PDE9A: variants seen among roughly 807,000 people sequenced by gnomAD.
The protein encoded by PDE9A is high affinity cGMP-specific 3',5'-cyclic phosphodiesterase 9A.
In PDE9A, 60 loss-of-function variants were observed where a neutral mutation model predicts 87.4. The ratio of observed to expected loss-of-function variants is 0.69; its 90% confidence interval spans 0.56 to 0.85. The LOEUF (loss-of-function observed/expected upper bound fraction) is 0.85, where lower values mean the gene tolerates loss of function less well. Among genes scored for constraint, PDE9A ranks in the 40% least tolerant of loss-of-function variants. The probability of loss-of-function intolerance (pLI) is 0.00; values close to 1 mark genes in which losing one functional copy is unlikely to be tolerated. For synonymous variants in PDE9A, 272 were observed against 279.4 expected (o/e 0.97, Z 0.27); for missense variants, 665 against 779.0 (o/e 0.85, Z 1.74).
chr21:42,768,611 G>A (rs1452619511), intron 16 of PDE9A: 1 of 985,356 alleles, frequency 1.0e-6, no homozygotes, highest in Non-Finnish European at 1.2e-6. Context: ...GAAGCAGGAG[G>A]GGGCCCAGGA....
chr21:42,771,963 C>T (rs549717756), intron 18 of PDE9A, among the ~76,000 whole-genome samples: 1 of 152,194 alleles, frequency 6.6e-6, no homozygotes, highest in South Asian at 2.1e-4. Context: ...TCCACAACCC[C>T]GCAAGAGAGC....
chr21:42,734,646 C>T (rs945132205), intron 7 of PDE9A: 3 of 152,228 alleles, frequency 2.0e-5, no homozygotes, highest in African/African-American at 7.2e-5. Context: ...AATCTTGGCT[C>T]AATGCAACCT....
At position 42,660,625 on chromosome 21, in the gene PDE9A, TAAA is replaced by T. The variant is rs11292693; in HGVS notation, c.69+6755_69+6757del. On this transcript the variant is annotated intron_variant, in intron 1 of 19. Coordinates refer to ENST00000291539, the MANE Select transcript of PDE9A (RefSeq NM_002606.3). The surrounding 1 kb of genome is among the most constrained non-coding windows in gnomAD (Gnocchi z 4.7). ...CCCCTTCCCCAAACACTATTGGAAT[TAAA>T]AAAAAAAAAAAAGATTAAAATGGTT... is the stretch of plus-strand genomic sequence containing the variant. 5.8e-5 allele frequency among the ~76,000 whole-genome samples: 8 copies of T among 139,056 alleles called. No individual in the cohort carries two copies. Among genetic ancestry groups the T allele is most frequent in the African/African-American group, 1.8e-4 (7 of 38,256 alleles). 91.2% of individuals were successfully genotyped at this position (139,056 alleles called of 152,430 possible).
intron 7 of PDE9A, among the ~76,000 whole-genome samples, chr21:42,735,190 T>G (rs960389829): frequency 7.9e-5 from 12 of 152,198 alleles, no homozygotes; most frequent in African/African-American, 2.9e-4. Flanking sequence ...TGCTGCCGTC[T>G]CTGAGCCCCA....
intron 6 of PDE9A, 55 bp downstream of exon 6, chr21:42,732,179 G>A: frequency 6.5e-7 from 1 of 1,537,806 alleles, no homozygotes; most frequent in Non-Finnish European, 8.9e-7. Flanking sequence ...CTTTCTCTAA[G>A]AGCGAGGGCA....
intron 16 of PDE9A, 81 bp from the exon 17 acceptor site, chr21:42,768,946 A>T (rs1910990156): frequency 6.6e-7 from 1 of 1,522,356 alleles, no homozygotes; most frequent in African/African-American, 1.4e-5. Context: ...TAACTGGCGC[A>T]TCTTGTCTTT....
intron 8 of PDE9A, 23 bp downstream of exon 8, chr21:42,743,883 G>C: frequency 6.9e-7 from 1 of 1,453,116 alleles, no homozygotes; most frequent in Non-Finnish European, 9.5e-7. Flanking sequence ...CTGGGGCCAC[G>C]GGCGGCCGGG....
chr21:42,775,081 A>G (rs1440569240), intron 19 of PDE9A, among the ~76,000 whole-genome samples, 199 bp from the exon 20 acceptor site: 1 of 151,598 alleles, frequency 6.6e-6, no homozygotes, highest in Non-Finnish European at 1.5e-5. Context: ...AGCTGGGATT[A>G]CAGGTGTGTG....
At chr21:42,662,986 A>AAC (rs1049944204) in intron 1 of PDE9A, among the ~76,000 whole-genome samples, 14 of 117,032 alleles carry the variant, frequency 1.2e-4, no homozygotes, top group Admixed American at 4.4e-4. Context: ...CACACACAAG[A>AAC]ACACACACCA....
chr21:42,772,403 G>A lies in PDE9A; in HGVS notation c.1687-36G>A, dbSNP rs1286490838. 4.2e-6 allele frequency: 6 copies of A among 1,421,266 alleles called. No individual in the cohort carries two copies. The African/African-American group carries it at 7.1e-5, about 17-fold the overall frequency. The allele number at this position is 1,421,266 out of a possible 1,614,324, so 88.0% of individuals were successfully genotyped here. A position where few individuals can be genotyped will look rare whatever the true frequency, so the allele number is the denominator to read the frequency against. On this transcript the variant is annotated intron_variant, in intron 18 of 19. Transcript: ENST00000291539. ...GGCAGACACTCCCCTGCTGTCTCCT[G>A]CTCCCTGACTTGGCCTTCTCTGTAC...
At chr21:42,756,906 T>A (rs988769690) in intron 10 of PDE9A, 1 of 152,432 alleles carries the variant, frequency 6.6e-6, no homozygotes, top group East Asian at 1.9e-4. Context: ...GCACCAAGTG[T>A]CTCTGTCTGC....
At chr21:42,685,605 T>C (rs2059418505) in intron 1 of PDE9A, among the ~76,000 whole-genome samples, 1 of 151,828 alleles carries the variant, frequency 6.6e-6, no homozygotes, top group Admixed American at 6.6e-5. Context: ...TAGCTGGGAT[T>C]ACAGGCACCT....
intron 1 of PDE9A, among the ~76,000 whole-genome samples, chr21:42,674,534 C>T (rs952000699): frequency 6.6e-6 from 1 of 152,040 alleles, no homozygotes; most frequent in Non-Finnish European, 1.5e-5. Context: ...CTTTGTAAAA[C>T]GGCTCCGCCT....
At chr21:42,708,691 A>T (rs1198340706) in intron 4 of PDE9A, among the ~76,000 whole-genome samples, 1 of 152,174 alleles carries the variant, frequency 6.6e-6, no homozygotes, top group East Asian at 1.9e-4. Flanking sequence ...TGTAGCTGAG[A>T]TTACAGGCGC....
chr21:42,706,356 C>T (rs1444795987), intron 4 of PDE9A, among the ~76,000 whole-genome samples: 1 of 152,182 alleles, frequency 6.6e-6, no homozygotes, highest in Admixed American at 6.5e-5. Flanking sequence ...TTAAAGTGTA[C>T]AACCTCAGCC....
At chr21:42,724,114 G>A (rs1186354248) in intron 4 of PDE9A, among the ~76,000 whole-genome samples, 1 of 152,166 alleles carries the variant, frequency 6.6e-6, no homozygotes, top group Non-Finnish European at 1.5e-5. Flanking sequence ...GCTAGAGGGG[G>A]TAAGGCCACA....
intron 3 of PDE9A, among the ~76,000 whole-genome samples, chr21:42,690,777 T>A (rs937610783): frequency 6.6e-6 from 1 of 152,076 alleles, no homozygotes; most frequent in Non-Finnish European, 1.5e-5. Flanking sequence ...CCTGCCAACT[T>A]ATGCCTCACC....
intron 8 of PDE9A, among the ~76,000 whole-genome samples, chr21:42,749,856 G>A (rs577170250): frequency 6.6e-5 from 10 of 152,392 alleles, no homozygotes; most frequent in South Asian, 4.1e-4. Flanking sequence ...AGTACAAAGG[G>A]GCTGGGCGCA....
chr21:42,762,762 G>A (rs920217745), intron 14 of PDE9A, among the ~76,000 whole-genome samples: 12 of 152,000 alleles, frequency 7.9e-5, no homozygotes, highest in South Asian at 6.2e-4. Context: ...GCAGGATCTC[G>A]GCTCACTGCA....
Sources: allele counts gnomAD v4.1 joint callset (sites outside exome capture counted in the v4.1 genomes callset), GRCh38; gene constraint gnomAD v4.1.1; non-coding constraint Gnocchi (gnomAD v3.1); transcripts MANE v1.5; gene names NCBI Gene and HGNC (gene_info 2026-07-23, HGNC 2026-07-21).